Variants in ARSG observed in about 807,000 individuals in gnomAD.
ARSG encodes the protein arylsulfatase G, also known as ASG.
ARSG carries 37 observed loss-of-function variants against 50.5 expected under a neutral mutation model. The ratio of observed to expected loss-of-function variants is 0.73; its 90% CI spans 0.56 to 0.96. The LOEUF (loss-of-function observed/expected upper bound fraction) is 0.96, where lower values mean the gene tolerates loss of function less well. Among genes scored for constraint, ARSG ranks in the 50% least tolerant of loss-of-function variants. The probability of loss-of-function intolerance (pLI) is 0.00; values close to 1 mark genes in which losing one functional copy is unlikely to be tolerated. For missense variants in ARSG, 629 were observed against 675.3 expected (o/e 0.93, Z 0.76); for synonymous variants, 225 against 254.6 (o/e 0.88, Z 1.11).
intron 9 of ARSG, among the ~76,000 whole-genome samples, chr17:68,390,174 G>C (rs1273473887): frequency 6.6e-6 from 1 of 152,012 alleles, no homozygotes; most frequent in Non-Finnish European, 1.5e-5. Context: ...TTTTAGTAGA[G>C]ACAGGGTTTT....
chr17:68,416,367 G>C (rs567446991), intron 11 of ARSG, among the ~76,000 whole-genome samples: 13 of 152,192 alleles, frequency 8.5e-5, no homozygotes, highest in Non-Finnish European at 1.9e-4. Flanking sequence ...TAGCTTGTAG[G>C]GTATCTGCTG....
intron 10 of ARSG, among the ~76,000 whole-genome samples, chr17:68,397,156 G>C (rs886367402): frequency 6.6e-6 from 1 of 152,162 alleles, no homozygotes; most frequent in Non-Finnish European, 1.5e-5. Context: ...CAGGCTCGTA[G>C]AGACCCCATC....
chr17:68,263,327 A>G (rs2075102831), intron 1 of ARSG, among the ~76,000 whole-genome samples: 1 of 152,216 alleles, frequency 6.6e-6, no homozygotes, highest in Non-Finnish European at 1.5e-5. Context: ...GCCCTCACTT[A>G]GGACACATGC....
chr17:68,276,807 G>C (rs1022928618), intron 1 of ARSG, among the ~76,000 whole-genome samples: 11 of 151,990 alleles, frequency 7.2e-5, no homozygotes, highest in African/African-American at 2.4e-4. Context: ...AAAACCCTTG[G>C]CAATTATTTC....
intron 1 of ARSG, chr17:68,272,880 G>C: frequency 7.7e-7 from 1 of 1,291,966 alleles, no homozygotes; most frequent in Non-Finnish European, 1.1e-6. Context: ...TAAGTTCTAG[G>C]AGCCAAGTAA....
intron 9 of ARSG, among the ~76,000 whole-genome samples, chr17:68,393,965 T>G (rs556470513): frequency 6.6e-6 from 1 of 151,784 alleles, no homozygotes; most frequent in East Asian, 1.9e-4. Context: ...TTTCTTTTTG[T>G]TTTTTTTGGT....
At chr17:68,413,200 C>A (rs2082120006) in intron 11 of ARSG, among the ~76,000 whole-genome samples, 1 of 152,160 alleles carries the variant, frequency 6.6e-6, no homozygotes, top group Non-Finnish European at 1.5e-5. Context: ...AGGCGCTCTG[C>A]TTTTTAGAGT....
intron 9 of ARSG, 64 bp from the exon 10 acceptor site, chr17:68,395,009 A>G: frequency 6.2e-7 from 1 of 1,600,260 alleles, no homozygotes; most frequent in Non-Finnish European, 8.5e-7. Flanking sequence ...GTGGGGGTTG[A>G]CACGGCAGGG....
chr17:68,297,506 T>A (rs2076248704), intron 1 of ARSG, among the ~76,000 whole-genome samples: 1 of 152,230 alleles, frequency 6.6e-6, no homozygotes, highest in Non-Finnish European at 1.5e-5. Context: ...CTTCTCTAGG[T>A]TCAGAAACCA....
the ARSG span, among the ~76,000 whole-genome samples, chr17:68,441,295 A>G: frequency 6.6e-6 from 1 of 152,352 alleles, no homozygotes; most frequent in African/African-American, 2.4e-5. Context: ...AGAAAGAAGG[A>G]AATTTACAGC....
In ARSG at chr17:68,374,188, T is replaced by A. The variant is rs1376740727; in HGVS notation, c.982+3664T>A. On this transcript the variant is annotated intron_variant, in intron 8 of 11. Transcript: ENST00000621439. ...AAAAAAAAAAAAAGAAACAAGAGCC[T>A]AGAGAAATACAGCATAAATGGGAGT... Among the ~76,000 whole-genome samples the A allele has an allele frequency of 8.1e-5, 12 of 148,902 alleles. 1 individual carries two copies. The highest frequency in any genetic ancestry group is 8.0e-4 in the Admixed American group (12 of 14,934).
rs9908962 is a variant in ARSG, at chr17:68,323,691, C to T, written c.218+15980C>T. Among the ~76,000 whole-genome samples, 216 of 152,196 alleles carry T rather than the reference C, an allele frequency of 1.4e-3. 1 individual carries two copies. Among genetic ancestry groups the T allele is most frequent in the African/African-American group, 4.7e-3 (195 of 41,496 alleles). On this transcript the variant is annotated intron_variant, in intron 2 of 11. Transcript: ENST00000621439. ...GATTCGGGTTTCCACATATGAATTT[C>T]GGAGGGACACAAACATTCAGTCCAT...
chr17:68,433,367 A>G, the ARSG span: 1 of 1,112,634 alleles, frequency 9.0e-7, no homozygotes, highest in Non-Finnish European at 1.3e-6. Flanking sequence ...TGAAGCCAAG[A>G]TTGGGTGTTC....
At chr17:68,412,647 C>A (rs1358938634) in intron 11 of ARSG, among the ~76,000 whole-genome samples, 2 of 152,134 alleles carry the variant, frequency 1.3e-5, no homozygotes, top group African/African-American at 4.8e-5. Flanking sequence ...CTCTGTATTT[C>A]CTGAATCTGA....
At chr17:68,422,773 C>T (rs1362085727), downstream of ARSG, 1 of 148,594 alleles carries the variant, frequency 6.7e-6, no homozygotes, top group Admixed American at 6.8e-5. Flanking sequence ...TCAGTTTATA[C>T]CCTTGGGCCT....
chr17:68,432,348 C>A, the ARSG span, among the ~76,000 whole-genome samples: 11 of 152,210 alleles, frequency 7.2e-5, no homozygotes, highest in African/African-American at 2.7e-4. Flanking sequence ...CTTTCTCCAA[C>A]TGGTGGCAGA....
intron 2 of ARSG, among the ~76,000 whole-genome samples, chr17:68,326,543 T>C (rs1361070555): frequency 6.6e-6 from 1 of 152,198 alleles, no homozygotes; most frequent in African/African-American, 2.4e-5. Flanking sequence ...CCCATGCCTA[T>C]AGTCCCAGCT....
At chr17:68,342,358 GTT>G (rs113758545) in intron 2 of ARSG, among the ~76,000 whole-genome samples, 3,040 of 139,954 alleles carry the variant, frequency 0.022, 33 homozygotes, top group Non-Finnish European at 0.026. Context: ...ATATGTATGT[GTT>G]TTTTTTTTTT....
intron 2 of ARSG, among the ~76,000 whole-genome samples, chr17:68,334,669 T>G (rs960321935): frequency 6.6e-6 from 1 of 152,036 alleles, no homozygotes; most frequent in Admixed American, 6.6e-5. Context: ...CTGGGAGGTC[T>G]GAGATGGCCT....
Sources: allele counts gnomAD v4.1 joint callset (sites outside exome capture counted in the v4.1 genomes callset), GRCh38; gene constraint gnomAD v4.1.1; transcripts MANE v1.5; gene names NCBI Gene and HGNC (gene_info 2026-07-23, HGNC 2026-07-21).